Variants in LTBP1 observed in about 807,000 individuals in gnomAD.
LTBP1 encodes the protein latent-transforming growth factor beta-binding protein 1.
A neutral mutation model predicts 207.6 loss-of-function variants in LTBP1; 129 were observed. The ratio of observed to expected loss-of-function variants is 0.62; its 90% CI spans 0.54 to 0.72. The LOEUF is 0.72. Ranked by LOEUF, LTBP1 falls within the 30% of genes least tolerant of loss-of-function variation. The probability of loss-of-function intolerance (pLI) is 0.00; values close to 1 mark genes in which losing one functional copy is unlikely to be tolerated. For missense variants in LTBP1, 2,281 were observed against 2,217.2 expected, an observed-to-expected ratio of 1.03 and a Z score of -0.58; for synonymous variants, 963 against 833.7, an observed-to-expected ratio of 1.16 and a Z score of -2.67.
intron 5 of LTBP1, among the ~76,000 whole-genome samples, chr2:33,155,291 C>T (rs1004138975): frequency 6.6e-6 from 1 of 152,120 alleles, no homozygotes; most frequent in Non-Finnish European, 1.5e-5. Context: ...CTCTCGAACT[C>T]CCGACCGACC....
At chr2:33,250,069 A>G (rs1280706227) in intron 10 of LTBP1, among the ~76,000 whole-genome samples, 1 of 152,194 alleles carries the variant, frequency 6.6e-6, no homozygotes, top group Non-Finnish European at 1.5e-5. Context: ...CACCAATCAC[A>G]TCATTCTGGG....
At chr2:33,160,259 G>A (rs2084348008) in intron 5 of LTBP1, among the ~76,000 whole-genome samples, 1 of 152,178 alleles carries the variant, frequency 6.6e-6, no homozygotes, top group East Asian at 1.9e-4. Flanking sequence ...CATTTCTGTA[G>A]CCACGAAGAG....
At chr2:32,987,269 G>A (rs1423118075) in intron 2 of LTBP1, among the ~76,000 whole-genome samples, 1 of 152,174 alleles carries the variant, frequency 6.6e-6, no homozygotes, top group African/African-American at 2.4e-5. Flanking sequence ...ATAGAAAAAG[G>A]GGAACGGTGA....
intron 5 of LTBP1, among the ~76,000 whole-genome samples, chr2:33,165,462 A>C (rs908674814): frequency 2.0e-5 from 3 of 152,242 alleles, no homozygotes; most frequent in African/African-American, 7.2e-5. Flanking sequence ...ATAGGACCAT[A>C]AAAACTTAGA....
chr2:33,355,437 A>G (rs980112591), intron 26 of LTBP1, among the ~76,000 whole-genome samples: 2 of 152,188 alleles, frequency 1.3e-5, no homozygotes, highest in African/African-American at 4.8e-5. Flanking sequence ...ATGACTCATA[A>G]TACATAATAC....
At chr2:33,377,624 C>T (rs1301963032) in intron 31 of LTBP1, among the ~76,000 whole-genome samples, 2 of 152,052 alleles carry the variant, frequency 1.3e-5, no homozygotes, top group South Asian at 2.1e-4. Context: ...CTAGTTTGAG[C>T]GAAAGGAGAG....
intron 24 of LTBP1, among the ~76,000 whole-genome samples, chr2:33,323,056 GAT>G (rs1056399230): frequency 4.9e-4 from 75 of 152,218 alleles, no homozygotes; most frequent in African/African-American, 1.7e-3. Flanking sequence ...CTCAATTTAT[GAT>G]AGGGTTATGT....
chr2:33,262,798 T>C lies in LTBP1; in HGVS notation c.2495T>C (p.Ile832Thr), dbSNP rs775408883. 9.3e-6 allele frequency: 15 copies of C among 1,607,000 alleles called. No individual in the cohort carries two copies. Among genetic ancestry groups the C allele is most frequent in the African/African-American group, 1.3e-5 (1 of 74,826 alleles). ...QPQLSPGIST[I>T]HLHPQFPVVI... Reference sequence around the variant, plus strand: ...CAGCTGTCTCCAGGCATTTCCACTATTCATCTGCATCCACAGTTTCCAGGT... The same window carrying C: ...CAGCTGTCTCCAGGCATTTCCACTACTCATCTGCATCCACAGTTTCCAGGT... Residue 832 changes from isoleucine to threonine, a missense_variant, in exon 14 of 34, where the codon ATT becomes ACT. By Grantham distance (89) the Ile-to-Thr change is moderately conservative. Transcript: ENST00000404816.
chr2:33,050,670 C>T (rs1331989537), intron 3 of LTBP1, among the ~76,000 whole-genome samples: 1 of 151,982 alleles, frequency 6.6e-6, no homozygotes, highest in Non-Finnish European at 1.5e-5. Flanking sequence ...GGAAACAGAA[C>T]ATTTGGGTTC....
At chr2:33,016,204 A>T (rs1330508176) in intron 2 of LTBP1, among the ~76,000 whole-genome samples, 1 of 152,164 alleles carries the variant, frequency 6.6e-6, no homozygotes, top group Admixed American at 6.5e-5. Context: ...AGGAGGTGGG[A>T]ATCCCAGAGG....
chr2:33,333,418 T>A (rs1269065589), intron 24 of LTBP1, among the ~76,000 whole-genome samples: 1 of 152,210 alleles, frequency 6.6e-6, no homozygotes, highest in Non-Finnish European at 1.5e-5. Flanking sequence ...GATATTGTTA[T>A]AATAGCTCAG....
In LTBP1 at chr2:33,315,360, G is replaced by C. The variant is rs1346281459; in HGVS notation, c.3730+91G>C. 2.0e-6 allele frequency: 3 copies of C among 1,496,262 alleles called. No individual in the cohort carries two copies. In the African/African-American group the frequency reaches 4.3e-5, roughly 21 times the overall value. 92.7% of individuals were successfully genotyped at this position (1,496,262 alleles called of 1,614,324 possible). A position where few individuals can be genotyped will look rare whatever the true frequency, so the allele number is the denominator to read the frequency against. On this transcript the variant is annotated intron_variant, in intron 24 of 33. Transcript: ENST00000404816. Reference sequence around the variant, plus strand: ...TACAAAGACTTGAAGACACTAAGAGGTACTGCATAATTCAGAGCCTCAAAG... The same window carrying C: ...TACAAAGACTTGAAGACACTAAGAGCTACTGCATAATTCAGAGCCTCAAAG...
chr2:33,153,428 G>A (rs1356105406), intron 5 of LTBP1, among the ~76,000 whole-genome samples: 1 of 152,184 alleles, frequency 6.6e-6, no homozygotes, highest in African/African-American at 2.4e-5. Context: ...ATGGAGTCAG[G>A]TTGGGCCAAT....
intron 5 of LTBP1, among the ~76,000 whole-genome samples, chr2:33,158,617 A>G (rs886644525): frequency 6.2e-5 from 7 of 113,696 alleles, no homozygotes; most frequent in Admixed American, 5.7e-4. Flanking sequence ...TAAAGGACCT[A>G]TGAGATTCAT....
intron 3 of LTBP1, among the ~76,000 whole-genome samples, chr2:33,084,994 G>T (rs1435033082): frequency 6.6e-6 from 1 of 152,234 alleles, no homozygotes; most frequent in Non-Finnish European, 1.5e-5. Flanking sequence ...AGGATCTAGA[G>T]ATGAGATCAT....
intron 5 of LTBP1, among the ~76,000 whole-genome samples, chr2:33,168,786 CCA>C (rs2085159649): frequency 6.6e-6 from 1 of 152,170 alleles, no homozygotes; most frequent in Non-Finnish European, 1.5e-5. Flanking sequence ...TCCATCTCTC[CCA>C]CAGCTACACA....
intron 4 of LTBP1, 47 bp downstream of exon 4, chr2:33,110,798 A>G: frequency 6.4e-7 from 1 of 1,574,338 alleles, no homozygotes; most frequent in Non-Finnish European, 8.7e-7. Context: ...GGTATCAGAG[A>G]TTGGAAACAC....
chr2:33,161,652 G>A (rs75176382), intron 5 of LTBP1, among the ~76,000 whole-genome samples: 2,307 of 152,278 alleles, frequency 0.015, 23 homozygotes, highest in East Asian at 0.027. Flanking sequence ...TAATATTAGC[G>A]TTAAAGTAGA....
intron 3 of LTBP1, among the ~76,000 whole-genome samples, chr2:33,093,700 CAA>C (rs2079231301): frequency 6.6e-6 from 1 of 151,844 alleles, no homozygotes. Flanking sequence ...TTAAAAATAA[CAA>C]TGATTTCTTG....
Sources: gnomAD v4.1 joint callset for allele counts (sites outside exome capture counted in the v4.1 genomes callset) on GRCh38, gnomAD v4.1.1 for gene constraint, MANE v1.5 for transcripts, NCBI Gene and HGNC (gene_info 2026-07-23, HGNC 2026-07-21) for gene names.